RPS6KA2: variants seen among roughly 807,000 people sequenced by gnomAD.
RPS6KA2 encodes the protein ribosomal protein S6 kinase alpha-2.
Under a neutral mutation model 91.8 loss-of-function variants are expected in RPS6KA2, and 42 were observed. That is an observed-to-expected ratio of 0.46 (90% CI 0.36 to 0.59). RPS6KA2 has a LOEUF of 0.59. RPS6KA2 is among the 20% of genes least tolerant of loss of function. The pLI, the probability that RPS6KA2 is intolerant of heterozygous loss-of-function variation, is 0.00. For missense variants in RPS6KA2, 798 were observed against 978.5 expected, an observed-to-expected ratio of 0.82 and a Z score of 2.46; for synonymous variants, 414 against 393.6, an observed-to-expected ratio of 1.05 and a Z score of -0.61.
Position 166,508,327 on chromosome 6 carries a change from C to G in RPS6KA2, c.380-45G>C, listed in dbSNP as rs750393723. 2.4e-6 allele frequency: 3 copies of G among 1,268,936 alleles called. No individual in the cohort carries two copies. The African/African-American group carries it at 4.4e-5, about 19-fold the overall frequency. 78.6% of individuals were successfully genotyped at this position (1,268,936 alleles called of 1,614,324 possible). ...GCATTTTGACAGCTTGTCGAATGTC[C>G]TGTGGCAACATCGCTCTCTGGCTTC... On this transcript the variant is annotated intron_variant, in intron 4 of 20. Coordinates refer to ENST00000265678, the MANE Select transcript of RPS6KA2 (RefSeq NM_021135.6). The surrounding 1 kb of genome is among the most constrained non-coding windows in gnomAD (Gnocchi z 4.3).
chr6:166,581,654 C>T (rs1785012356), intron 1 of RPS6KA2, among the ~76,000 whole-genome samples: 1 of 152,100 alleles, frequency 6.6e-6, no homozygotes, highest in Non-Finnish European at 1.5e-5. Flanking sequence ...AGAATTATAC[C>T]CAGAAACAGA....
chr6:166,542,529 C>T (rs927385841), intron 1 of RPS6KA2: 5 of 152,190 alleles, frequency 3.3e-5, no homozygotes, highest in African/African-American at 1.2e-4. Flanking sequence ...GCAACAATTC[C>T]AAACATTTTG....
intron 2 of RPS6KA2, among the ~76,000 whole-genome samples, chr6:166,800,943 G>A (rs1400823105): frequency 6.6e-6 from 1 of 152,176 alleles, no homozygotes; most frequent in Admixed American, 6.5e-5. Flanking sequence ...AATCTTTAAA[G>A]TTAATAAAAC....
chr6:166,655,957 C>A (rs755171071), intron 2 of RPS6KA2, among the ~76,000 whole-genome samples: 1 of 152,218 alleles, frequency 6.6e-6, no homozygotes, highest in Non-Finnish European at 1.5e-5. Flanking sequence ...GAAGTCACCA[C>A]AATCTCTAGC....
rs1182451077 is a variant in RPS6KA2 at position 166,448,825 on chromosome 6, A to G, written c.1231T>C (p.Phe411Leu). 6.2e-7 allele frequency: 1 copy of G among 1,613,750 alleles called. No homozygotes were observed. Among genetic ancestry groups the G allele is most frequent in the East Asian group, 2.2e-5 (1 of 44,874 alleles). Residue 411 changes from phenylalanine (F) to leucine (L), a missense_variant, in exon 14 of 21, where the codon TTC (phenylalanine) becomes CTC (leucine). Transcript: ENST00000265678. This position sits in a 1 kb window ranked among gnomAD's most constrained non-coding sequence, Gnocchi z 4.7. ...TCCTTGATCTCGTAGCCATCGGTGA[A>G]GTGGATGTTGTTCCCGTGTAACTGC... ...VQQLHGNNIH[F>L]TDGYEIKEDI...
exon 1 of RPS6KA2, chr6:166,862,225 C>T: frequency 6.2e-7 from 1 of 1,612,576 alleles, no homozygotes; most frequent in Non-Finnish European, 8.5e-7. Context: ...AGGAAATAAA[C>T]AGAGGCTCGG....
chr6:166,723,386 G>T (rs938294263), intron 2 of RPS6KA2, among the ~76,000 whole-genome samples: 1 of 151,806 alleles, frequency 6.6e-6, no homozygotes, highest in Non-Finnish European at 1.5e-5. Flanking sequence ...TCCCACACGT[G>T]TGCACCGCCT....
chr6:166,518,528 A>G (rs1300321645), intron 3 of RPS6KA2, among the ~76,000 whole-genome samples: 2 of 152,220 alleles, frequency 1.3e-5, no homozygotes, highest in African/African-American at 4.8e-5. Context: ...ATAATAATAA[A>G]CAGAGAATCC....
intron 10 of RPS6KA2, among the ~76,000 whole-genome samples, chr6:166,471,575 G>A (rs1489541918): frequency 6.6e-6 from 1 of 152,236 alleles, no homozygotes; most frequent in Admixed American, 6.5e-5. Flanking sequence ...TAGAGGAAGG[G>A]CACACATTCA....
intron 3 of RPS6KA2, among the ~76,000 whole-genome samples, chr6:166,531,000 A>G (rs1286842913): frequency 1.3e-5 from 2 of 152,262 alleles, no homozygotes; most frequent in African/African-American, 2.4e-5. Context: ...ATGTGGGAGA[A>G]TGGTATTTAC....
rs562241376 is a variant in RPS6KA2 at position 166,537,787 on chromosome 6, G to A, written c.216+881C>T. Reference sequence around the variant, plus strand: ...AAGAGCCAGGCTGTTCTGCTTACATGTAAGGAACGGTTGGCTTCATGGTTT... The same window carrying A: ...AAGAGCCAGGCTGTTCTGCTTACATATAAGGAACGGTTGGCTTCATGGTTT... On this transcript the variant is annotated intron_variant, in intron 2 of 20. Transcript: ENST00000265678. Among the ~76,000 whole-genome samples, 3 of 152,312 alleles carry A rather than the reference G, an allele frequency of 2.0e-5. No individual in the cohort carries two copies. The South Asian group carries it at 6.2e-4, about 32-fold the overall frequency.
chr6:166,762,405 T>C lies in RPS6KA2; in HGVS notation c.123+95795A>G, dbSNP rs979144664. On this transcript the variant is annotated intron_variant, in intron 2 of 21. Coordinates refer to the RPS6KA2 transcript ENST00000503859. ...GTCTATGCGCATATGTGTGTGTGTGTGCATGTTAAACGGAGGACGGAATAT... is the reference window on the plus strand; with the variant it reads ...GTCTATGCGCATATGTGTGTGTGTGCGCATGTTAAACGGAGGACGGAATAT... 7.2e-5 allele frequency among the ~76,000 whole-genome samples: 11 copies of C among 152,180 alleles called. No homozygotes were observed. The East Asian group carries it at 1.9e-3, about 27-fold the overall frequency.
chr6:166,516,214 C>T (rs750500647), intron 3 of RPS6KA2, among the ~76,000 whole-genome samples: 6 of 152,188 alleles, frequency 3.9e-5, no homozygotes, highest in East Asian at 3.9e-4. Flanking sequence ...ACCTCTCCCC[C>T]GTTACAGCCT....
At chr6:166,774,618 A>G (rs1333741121) in intron 2 of RPS6KA2, among the ~76,000 whole-genome samples, 1 of 152,144 alleles carries the variant, frequency 6.6e-6, no homozygotes, top group East Asian at 1.9e-4. Context: ...AACTTAGGCA[A>G]GTCATTGGAC....
At chr6:166,413,254 C>T (rs959910003) in intron 20 of RPS6KA2, among the ~76,000 whole-genome samples, 1 of 152,180 alleles carries the variant, frequency 6.6e-6, no homozygotes, top group Non-Finnish European at 1.5e-5. Context: ...CTAGGGGACA[C>T]AGCGAATGCC....
rs1779637426 is a variant in RPS6KA2 at position 166,445,154 on chromosome 6, T to C, written c.1332+3570A>G. Among the ~76,000 whole-genome samples, 1 of 151,534 alleles carries C rather than the reference T, an allele frequency of 6.6e-6. No individual in the cohort carries two copies. Among genetic ancestry groups the C allele is most frequent in the Non-Finnish European group, 1.5e-5 (1 of 67,950 alleles). On this transcript the variant is annotated intron_variant, in intron 14 of 20. Coordinates refer to ENST00000265678, the MANE Select transcript of RPS6KA2 (RefSeq NM_021135.6). The surrounding 1 kb of genome is among the most constrained non-coding windows in gnomAD (Gnocchi z 4.5). ...CACTATGAACCTCCATACCTGACCGTCATAGAGGTGAAGAGCTGGCCCCAC... is the reference window on the plus strand; with the variant it reads ...CACTATGAACCTCCATACCTGACCGCCATAGAGGTGAAGAGCTGGCCCCAC...
intron 2 of RPS6KA2, among the ~76,000 whole-genome samples, chr6:166,679,809 CG>C (rs1562378650): frequency 6.6e-6 from 1 of 152,196 alleles, no homozygotes; most frequent in East Asian, 1.9e-4. Context: ...CACTGGCTGG[CG>C]CGGGTTCCAG....
intron 2 of RPS6KA2, among the ~76,000 whole-genome samples, chr6:166,833,576 C>T (rs1780240382): frequency 6.6e-6 from 1 of 152,196 alleles, no homozygotes; most frequent in South Asian, 2.1e-4. Context: ...GCCCACACAT[C>T]CTGGACACCA....
intron 1 of RPS6KA2, among the ~76,000 whole-genome samples, chr6:166,593,797 C>T (rs1299502283): frequency 3.3e-5 from 5 of 152,018 alleles, no homozygotes; most frequent in Non-Finnish European, 7.4e-5. Context: ...TATGAACAAA[C>T]TTCAAACTCA....
Sources: gnomAD v4.1 joint callset for allele counts (sites outside exome capture counted in the v4.1 genomes callset) on GRCh38, gnomAD v4.1.1 for gene constraint, Gnocchi (gnomAD v3.1) non-coding constraint, MANE v1.5 for transcripts, NCBI Gene and HGNC (gene_info 2026-07-23, HGNC 2026-07-21) for gene names.